HIVEP2: variants seen among roughly 807,000 people sequenced by gnomAD.
HIVEP2 encodes the protein transcription factor HIVEP2.
HIVEP2 carries 14 observed loss-of-function variants against 180.7 expected under a neutral mutation model. The ratio of observed to expected loss-of-function variants is 0.08; its 90% CI spans 0.05 to 0.12. HIVEP2 has a LOEUF of 0.12. Among genes scored for constraint, HIVEP2 ranks in the 10% least tolerant of loss-of-function variants. HIVEP2 has a pLI of 1.00. For missense variants in HIVEP2, 2,579 were observed against 3,008.5 expected (o/e 0.86, Z 3.34); for synonymous variants, 1,184 against 1,136.4 (o/e 1.04, Z -0.84).
At chr6:142,809,686 C>T (rs1248847007) in intron 2 of HIVEP2, among the ~76,000 whole-genome samples, 1 of 152,096 alleles carries the variant, frequency 6.6e-6, no homozygotes, top group Non-Finnish European at 1.5e-5. Flanking sequence ...CTCTGCCTCC[C>T]TAGTTCAAGT....
chr6:142,891,614 A>G (rs1776863795), intron 1 of HIVEP2, among the ~76,000 whole-genome samples: 1 of 152,084 alleles, frequency 6.6e-6, no homozygotes, highest in South Asian at 2.1e-4. Flanking sequence ...TGGGCTATGG[A>G]TCGAGATCTA....
chr6:142,831,000 C>T (rs771374768), intron 2 of HIVEP2, among the ~76,000 whole-genome samples: 5 of 152,206 alleles, frequency 3.3e-5, no homozygotes, highest in Non-Finnish European at 7.3e-5. Context: ...TCCCACCACA[C>T]AAAGTAGGCA....
At chr6:142,896,202 T>C (rs773795087) in intron 1 of HIVEP2, among the ~76,000 whole-genome samples, 9 of 152,042 alleles carry the variant, frequency 5.9e-5, no homozygotes, top group Non-Finnish European at 4.4e-5. Context: ...ATCACCTACC[T>C]TCCTAATCTT....
chr6:142,795,277 A>G (rs1273869761), intron 2 of HIVEP2, among the ~76,000 whole-genome samples: 1 of 152,170 alleles, frequency 6.6e-6, no homozygotes, highest in African/African-American at 2.4e-5. Flanking sequence ...ATATTCAGTG[A>G]CTTCTCATTT....
chr6:142,940,208 T>G (rs1778143195), intron 1 of HIVEP2, among the ~76,000 whole-genome samples: 1 of 152,266 alleles, frequency 6.6e-6, no homozygotes, highest in African/African-American at 2.4e-5. Context: ...TATTTATTAA[T>G]TGAATCAATG....
Position 142,753,057 on chromosome 6 carries a change from AAAC to A in HIVEP2, c.*47_*49del, listed in dbSNP as rs535987024. 3.5e-3 allele frequency: 4,248 copies of A among 1,222,920 alleles called. 7 individuals are homozygous for A. Among genetic ancestry groups the A allele is most frequent in the Non-Finnish European group, 4.7e-3 (3,873 of 829,554 alleles). The allele number at this position is 1,222,920 out of a possible 1,614,324, so 75.8% of individuals were successfully genotyped here. A position where few individuals can be genotyped will look rare whatever the true frequency, so the allele number is the denominator to read the frequency against. ...ATTACCTCCATTTCTAGAAAAACAAAAACAAAAAAATGGGAAAATGTGGAAATG... is the reference window on the plus strand; with the variant it reads ...ATTACCTCCATTTCTAGAAAAACAAAAAAAAAATGGGAAAATGTGGAAATG... On this transcript the variant is annotated 3_prime_UTR_variant, in exon 10 of 10. Transcript: ENST00000367603.
intron 1 of HIVEP2, among the ~76,000 whole-genome samples, chr6:142,918,414 A>C (rs1186949814): frequency 6.6e-6 from 1 of 152,228 alleles, no homozygotes; most frequent in African/African-American, 2.4e-5. Flanking sequence ...AGTTGCCACG[A>C]ATGTGGATGC....
At position 142,772,016 on chromosome 6, in the gene HIVEP2, C is replaced by T; in HGVS notation, c.2723G>A (p.Ser908Asn). The change falls in exon 5 of 10, where the codon AGC (serine) becomes AAC (asparagine). Residue 908 changes from serine to asparagine, a missense_variant. Physicochemically the swap from Ser to Asn is conservative, Grantham distance 46. This residue lies in a region of HIVEP2 where 51 missense variants were observed against 102.8 expected (regional missense o/e 0.50). Transcript: ENST00000367603. The surrounding 1 kb of genome is among the most constrained non-coding windows in gnomAD (Gnocchi z 4.9). ...TTCCACAGGCTTCTCTGGCTCTTTG[C>T]TCTGGGCTTCCTTCTCCTTCTCAGG... ...DKPEKEKEAQ[S>N]KEPEKPVEEF... 6.2e-7 allele frequency: 1 copy of T among 1,614,208 alleles called. No individual in the cohort carries two copies. Among genetic ancestry groups the T allele is most frequent in the South Asian group, 1.1e-5 (1 of 91,080 alleles).
intron 1 of HIVEP2, among the ~76,000 whole-genome samples, chr6:142,865,473 C>T (rs1050271434): frequency 6.6e-6 from 1 of 151,822 alleles, no homozygotes; most frequent in Admixed American, 6.6e-5. Context: ...ATAATGTTAC[C>T]AGTACCTTTT....
intron 1 of HIVEP2, among the ~76,000 whole-genome samples, chr6:142,857,492 G>C (rs1456554831): frequency 1.3e-5 from 2 of 152,156 alleles, no homozygotes; most frequent in Non-Finnish European, 1.5e-5. Context: ...CCTGTCTATA[G>C]GTTTGTCAGC....
At chr6:142,892,290 GC>G (rs1213334320) in intron 1 of HIVEP2, among the ~76,000 whole-genome samples, 2 of 152,168 alleles carry the variant, frequency 1.3e-5, no homozygotes, top group Admixed American at 6.5e-5. Flanking sequence ...TAAAGAAGGG[GC>G]AAGTCCAAAA....
chr6:142,768,864 T>C (rs1775445263), intron 5 of HIVEP2, among the ~76,000 whole-genome samples: 1 of 152,088 alleles, frequency 6.6e-6, no homozygotes, highest in South Asian at 2.1e-4. Context: ...ATGAAAACAA[T>C]CTATATTAAT....
chr6:142,852,641 G>A (rs1775714253), intron 1 of HIVEP2, among the ~76,000 whole-genome samples: 1 of 152,102 alleles, frequency 6.6e-6, no homozygotes, highest in South Asian at 2.1e-4. Flanking sequence ...AGATGTCTCA[G>A]GACACCCTGA....
At chr6:142,923,941 G>A (rs1777740333) in intron 1 of HIVEP2, among the ~76,000 whole-genome samples, 1 of 152,334 alleles carries the variant, frequency 6.6e-6, no homozygotes, top group Non-Finnish European at 1.5e-5. Context: ...CAAACCGCTA[G>A]GTAAAGGCCG....
At chr6:142,824,616 T>C (rs1774813441) in intron 2 of HIVEP2, among the ~76,000 whole-genome samples, 1 of 152,224 alleles carries the variant, frequency 6.6e-6, no homozygotes. Context: ...AGCAGTTCCA[T>C]CAGGTTTTTT....
In HIVEP2 at chr6:142,770,183, G is replaced by A. The variant is rs764073074; in HGVS notation, c.4556C>T (p.Ser1519Leu). ...QSGSSSFSSL[S>L]PSSSQDYPSV... ...AGGATAGTCTTGAGATGAGGAGGGC[G>A]ACAGCGAGGAGAAGGAAGATGACCC... The change falls in exon 5 of 10, where the codon TCG becomes TTG. Residue 1519 changes from serine (S) to leucine (L), a missense_variant. Physicochemically the swap from Ser to Leu is moderately radical, Grantham distance 145. Around this residue, in one of 11 missense-constraint regions of HIVEP2, gnomAD observed 349 missense variants for 367.2 expected, o/e 0.95. Transcript: ENST00000367603. This position sits in a 1 kb window ranked among gnomAD's most constrained non-coding sequence, Gnocchi z 4.7. 9.3e-6 allele frequency: 15 copies of A among 1,614,090 alleles called. No individual in the cohort carries two copies. Among genetic ancestry groups the A allele is most frequent in the Admixed American group, 6.7e-5 (4 of 60,006 alleles).
At chr6:142,925,997 G>C (rs1777799603) in intron 1 of HIVEP2, among the ~76,000 whole-genome samples, 1 of 152,166 alleles carries the variant, frequency 6.6e-6, no homozygotes, top group Admixed American at 6.5e-5. Flanking sequence ...CGACTGCTCA[G>C]CTGATACGAC....
intron 1 of HIVEP2, among the ~76,000 whole-genome samples, chr6:142,881,493 G>A (rs900007179): frequency 6.6e-6 from 1 of 152,128 alleles, no homozygotes; most frequent in East Asian, 1.9e-4. Flanking sequence ...GTACATTCCT[G>A]TGCATCCTTT....
chr6:142,895,980 A>G (rs370615389), intron 1 of HIVEP2, among the ~76,000 whole-genome samples: 2 of 152,212 alleles, frequency 1.3e-5, no homozygotes, highest in South Asian at 4.1e-4. Context: ...GATGTTAGAG[A>G]AAAACATTCA....
Sources: gnomAD v4.1 joint callset for allele counts (sites outside exome capture counted in the v4.1 genomes callset) on GRCh38, gnomAD v4.1.1 for gene constraint, gnomAD v4.1.1 regional missense constraint, Gnocchi (gnomAD v3.1) non-coding constraint, MANE v1.5 for transcripts, NCBI Gene and HGNC (gene_info 2026-07-23, HGNC 2026-07-21) for gene names.